TNKS: variants seen among roughly 807,000 people sequenced by gnomAD.
TNKS encodes tankyrase, also known as poly [ADP-ribose] polymerase tankyrase-1.
A neutral mutation model predicts 135.8 loss-of-function variants in TNKS; 72 were observed. That is an observed-to-expected ratio of 0.53 (90% CI 0.44 to 0.64). The LOEUF is 0.64. Ranked by LOEUF, TNKS falls within the 30% of genes least tolerant of loss-of-function variation. The pLI, the probability that TNKS is intolerant of heterozygous loss-of-function variation, is 0.00. For synonymous variants in TNKS, 849 were observed against 649.3 expected (o/e 1.31, Z -4.68); for missense variants, 1,769 against 1,674.0 (o/e 1.06, Z -0.99).
At chr8:9,645,412 G>C (rs1748664104) in intron 3 of TNKS, among the ~76,000 whole-genome samples, 1 of 152,162 alleles carries the variant, frequency 6.6e-6, no homozygotes, top group African/African-American at 2.4e-5. Flanking sequence ...AGGCAGGAAA[G>C]GAGTTGTCTG....
At chr8:9,731,660 A>T (rs946199068) in intron 14 of TNKS, among the ~76,000 whole-genome samples, 6 of 152,024 alleles carry the variant, frequency 3.9e-5, no homozygotes, top group Non-Finnish European at 8.8e-5. Context: ...GTGCCTTCCT[A>T]TATGGTCTGC....
chr8:9,575,268 A>T (rs1449084983), intron 1 of TNKS: 1 of 543,610 alleles, frequency 1.8e-6, no homozygotes, highest in Non-Finnish European at 2.3e-6. Context: ...TTGTATATTT[A>T]GTAGAGACGG....
At position 9,556,058 on chromosome 8, in the gene TNKS, C is replaced by T; in HGVS notation, c.119C>T (p.Ala40Val). 1 of 1,608,692 alleles carries T rather than the reference C, an allele frequency of 6.2e-7. No homozygotes were observed. The highest frequency in any genetic ancestry group is 2.2e-5 in the East Asian group (1 of 44,828). Residue 40 changes from alanine (A) to valine (V), a missense_variant, in exon 1 of 27, where the codon GCC becomes GTC. This residue lies in a region of TNKS where 450 missense variants were observed against 304.9 expected (regional missense o/e 1.48). Transcript: ENST00000310430. ...CCTCCCCCACTCAGCCCTGGCCTGG[C>T]CCCGGGGACCACCCCAGCCTCTCCC... ...PPPPPLSPGL[A>V]PGTTPASPTA...
intron 1 of TNKS, among the ~76,000 whole-genome samples, chr8:9,572,315 T>C (rs1462284239): frequency 6.6e-6 from 1 of 152,256 alleles, no homozygotes; most frequent in Non-Finnish European, 1.5e-5. Flanking sequence ...TGTTTTTAGC[T>C]GATTTGTTTT....
chr8:9,608,701 C>A, intron 2 of TNKS, among the ~76,000 whole-genome samples: 1 of 152,210 alleles, frequency 6.6e-6, no homozygotes, highest in East Asian at 1.9e-4. Context: ...CAGACTCCAG[C>A]CAATTCTTCT....
At position 9,623,669 on chromosome 8, in the gene TNKS, A is replaced by G. The variant is rs1483066942; in HGVS notation, c.994+7992A>G. 3.9e-5 allele frequency among the ~76,000 whole-genome samples: 6 copies of G among 152,316 alleles called. No individual in the cohort carries two copies. In the East Asian group the frequency reaches 1.2e-3, roughly 29 times the overall value. ...AAATGTATATCTGCAAAGTGCAATA[A>G]AATGAGGTATGTTGTTTATGGAGTG... On this transcript the variant is annotated intron_variant, in intron 3 of 26. Coordinates refer to ENST00000310430, the MANE Select transcript of TNKS (RefSeq NM_003747.3).
intron 3 of TNKS, among the ~76,000 whole-genome samples, chr8:9,664,388 C>T (rs919828135): frequency 1.3e-5 from 2 of 152,178 alleles, no homozygotes; most frequent in Non-Finnish European, 2.9e-5. Flanking sequence ...CGTGCACCTT[C>T]CAACGCAAAT....
intron 18 of TNKS, 105 bp downstream of exon 18, chr8:9,748,317 G>A (rs1806343146): frequency 5.7e-6 from 6 of 1,044,056 alleles, no homozygotes; most frequent in Middle Eastern, 3.2e-4. Flanking sequence ...ATTTCACTTA[G>A]AACAGAGATC....
chr8:9,643,857 G>A (rs1425469047), intron 3 of TNKS, among the ~76,000 whole-genome samples: 2 of 152,120 alleles, frequency 1.3e-5, no homozygotes, highest in Non-Finnish European at 2.9e-5. Context: ...GTAACCAGTA[G>A]GTAAAAGCAA....
At chr8:9,717,102 T>TATATATA (rs60792807) in intron 11 of TNKS, among the ~76,000 whole-genome samples, 26 of 122,810 alleles carry the variant, frequency 2.1e-4, no homozygotes, top group Non-Finnish European at 3.1e-4. Context: ...TATATATATA[T>TATATATA]TTTCAGGGAA....
At chr8:9,621,698 G>A (rs1004386681) in intron 3 of TNKS, among the ~76,000 whole-genome samples, 18 of 152,056 alleles carry the variant, frequency 1.2e-4, no homozygotes, top group African/African-American at 4.3e-4. Context: ...TTTACTGTCA[G>A]ACTATATGAT....
chr8:9,576,963 T>C (rs1191376930), intron 1 of TNKS, among the ~76,000 whole-genome samples: 2 of 152,292 alleles, frequency 1.3e-5, no homozygotes, highest in African/African-American at 4.8e-5. Flanking sequence ...ATAATTTGCA[T>C]GATATAACAA....
intron 2 of TNKS, among the ~76,000 whole-genome samples, chr8:9,612,699 A>G (rs1380438783): frequency 6.6e-6 from 1 of 152,176 alleles, no homozygotes; most frequent in African/African-American, 2.4e-5. Context: ...CTATAATGGT[A>G]GAGTCGAGGG....
At chr8:9,616,443 A>C (rs1474813301) in intron 3 of TNKS, among the ~76,000 whole-genome samples, 2 of 152,170 alleles carry the variant, frequency 1.3e-5, no homozygotes, top group Non-Finnish European at 2.9e-5. Context: ...CTTCGTAATG[A>C]GCCTCTGTCA....
intron 2 of TNKS, among the ~76,000 whole-genome samples, chr8:9,598,765 G>GTGTATATATATA (rs1449352201): frequency 6.0e-5 from 3 of 49,622 alleles, no homozygotes; most frequent in Admixed American, 2.6e-4. Context: ...ATGTGTGTGT[G>GTGTATATATATA]TATATATATA....
chr8:9,556,146 T>C lies in TNKS; in HGVS notation c.207T>C (p.Asp69=). 6.2e-7 allele frequency: 1 copy of C among 1,608,232 alleles called. No homozygotes were observed. Among genetic ancestry groups the C allele is most frequent in the South Asian group, 1.1e-5 (1 of 90,618 alleles). The change falls in exon 1 of 27, where the codon GAT becomes GAC. Residue 69 remains aspartate, a synonymous_variant. Transcript: ENST00000310430. ...ACGGCCTAGCGCTGCCGGAGGGGGATGGCAGTCGGGATCCGCCCGACAGGC... is the reference window on the plus strand; with the variant it reads ...ACGGCCTAGCGCTGCCGGAGGGGGACGGCAGTCGGGATCCGCCCGACAGGC... ...PRHGLALPEG[D]GSRDPPDRPR...
chr8:9,707,008 A>G lies in TNKS; in HGVS notation c.1456+11A>G, dbSNP rs1478116507. ...GGGAGAGATTGACTTGTACGTATTT[A>G]TATCCCGAAATCATTATCGCATAAA... is the stretch of plus-strand genomic sequence containing the variant. On this transcript the variant is annotated intron_variant, in intron 8 of 26. Coordinates refer to ENST00000310430, the MANE Select transcript of TNKS (RefSeq NM_003747.3). 1.3e-6 allele frequency: 2 copies of G among 1,552,734 alleles called. No homozygotes were observed. Among genetic ancestry groups the G allele is most frequent in the Non-Finnish European group, 1.7e-6 (2 of 1,149,826 alleles).
In TNKS at chr8:9,777,864, T is replaced by C. The variant is rs1393845785; in HGVS notation, c.*1128T>C. 1.3e-5 allele frequency: 2 copies of C among 152,570 alleles called. No homozygotes were observed. The highest frequency in any genetic ancestry group is 4.8e-5 in the African/African-American group (2 of 41,460). The allele number at this position is 152,570 out of a possible 1,614,324, so 9.5% of individuals were successfully genotyped here. On this transcript the variant is annotated 3_prime_UTR_variant, in exon 27 of 27. Transcript: ENST00000310430. ...GAGAATGCTGGGATTCAGACTCGAA[T>C]AGTGGATAGATACACACAAATGCAA...
chr8:9,659,117 C>T (rs1267075526), intron 3 of TNKS, among the ~76,000 whole-genome samples: 1 of 152,188 alleles, frequency 6.6e-6, no homozygotes, highest in Non-Finnish European at 1.5e-5. Flanking sequence ...GAGACATAGA[C>T]TCCCACACAA....
Sources: gnomAD v4.1 joint callset for allele counts (sites outside exome capture counted in the v4.1 genomes callset) on GRCh38, gnomAD v4.1.1 for gene constraint, gnomAD v4.1.1 regional missense constraint, MANE v1.5 for transcripts, NCBI Gene and HGNC (gene_info 2026-07-23, HGNC 2026-07-21) for gene names.